Variants in ARHGAP6 observed in about 807,000 individuals in gnomAD.
ARHGAP6 encodes the protein Rho GTPase activating protein 6.
A neutral mutation model predicts 55.7 loss-of-function variants in ARHGAP6; 16 were observed. The ratio of observed to expected loss-of-function variants is 0.29; its 90% CI spans 0.19 to 0.44. The LOEUF (loss-of-function observed/expected upper bound fraction) is 0.44. Among genes scored for constraint, ARHGAP6 ranks in the 20% least tolerant of loss-of-function variants. The probability of loss-of-function intolerance (pLI) is 1.00; values close to 1 mark genes in which losing one functional copy is unlikely to be tolerated. For synonymous variants in ARHGAP6, 382 were observed against 360.9 expected (o/e 1.06, Z -0.66); for missense variants, 698 against 808.9 (o/e 0.86, Z 1.66).
chrX:11,542,753 C>T (rs1308585440), intron 1 of ARHGAP6, among the ~76,000 whole-genome samples: 1 of 111,288 alleles, frequency 9.0e-6, no homozygotes, highest in Admixed American at 9.6e-5. Flanking sequence ...TTATTTATTC[C>T]CCTTCCCTCT....
At chrX:11,650,935 C>A (rs2052577182) in intron 1 of ARHGAP6, among the ~76,000 whole-genome samples, 1 of 111,969 alleles carries the variant, frequency 8.9e-6, no homozygotes, top group Non-Finnish European at 1.9e-5. Context: ...CTGACAATAT[C>A]ATTTATTGAC....
At chrX:11,348,173 C>T (rs1345988652) in intron 1 of ARHGAP6, among the ~76,000 whole-genome samples, 2 of 111,967 alleles carry the variant, frequency 1.8e-5, no homozygotes, top group Non-Finnish European at 3.8e-5. Flanking sequence ...ATGATCTTTG[C>T]TTATATTTTC....
intron 6 of ARHGAP6, among the ~76,000 whole-genome samples, chrX:11,180,230 C>T (rs993643343): frequency 9.0e-6 from 1 of 111,502 alleles, no homozygotes; most frequent in Non-Finnish European, 1.9e-5. Context: ...AATAACTCCA[C>T]ACCCTACTTT....
chrX:11,374,182 T>A (rs952578233), intron 1 of ARHGAP6, among the ~76,000 whole-genome samples: 2 of 110,820 alleles, frequency 1.8e-5, no homozygotes, highest in Non-Finnish European at 3.8e-5. Flanking sequence ...TAATATGGAG[T>A]GGGCCCAAGA....
intron 1 of ARHGAP6, among the ~76,000 whole-genome samples, chrX:11,524,289 C>T (rs770380449): frequency 4.3e-4 from 48 of 111,318 alleles, no homozygotes; most frequent in African/African-American, 1.5e-3. Context: ...GTGTTATTGC[C>T]GGATTTTACC....
Position 11,333,265 on chromosome X carries a change from T to C in ARHGAP6, c.589-78558A>G, listed in dbSNP as rs1603088718. ...GTCATGGGAGGGACCCGGTGGGAGG[T>C]AACTGAGTCAATGGGATGGTTACCC... On this transcript the variant is annotated intron_variant, in intron 1 of 12. Coordinates refer to ENST00000337414, the MANE Select transcript of ARHGAP6 (RefSeq NM_013427.3). Among the ~76,000 whole-genome samples, 2 of 111,680 alleles carry C rather than the reference T, an allele frequency of 1.8e-5. 1 individual carries two copies.
chrX:11,199,003 T>G (rs1037046167), intron 2 of ARHGAP6, among the ~76,000 whole-genome samples: 3 of 112,416 alleles, frequency 2.7e-5, no homozygotes, highest in African/African-American at 9.7e-5. Context: ...ATTTTGTTTT[T>G]CCTGTTTTGG....
chrX:11,648,387 T>C (rs1349185217), intron 1 of ARHGAP6, among the ~76,000 whole-genome samples: 3 of 112,170 alleles, frequency 2.7e-5, no homozygotes, highest in Non-Finnish European at 5.6e-5. Flanking sequence ...TTCCCATGAA[T>C]GTAGAGGATA....
At chrX:11,353,489 T>C (rs2048886983) in intron 1 of ARHGAP6, among the ~76,000 whole-genome samples, 1 of 110,573 alleles carries the variant, frequency 9.0e-6, no homozygotes, top group Non-Finnish European at 1.9e-5. Context: ...TATTGAGCTA[T>C]TTGCTAGGGT....
chrX:11,198,520 T>C, intron 2 of ARHGAP6, among the ~76,000 whole-genome samples: 1 of 112,149 alleles, frequency 8.9e-6, no homozygotes, highest in Non-Finnish European at 1.9e-5. Flanking sequence ...ACTTTGTTCA[T>C]AGCTAGTTCA....
intron 1 of ARHGAP6, among the ~76,000 whole-genome samples, chrX:11,590,540 C>G (rs2147128912): frequency 9.3e-6 from 1 of 107,757 alleles, no homozygotes; most frequent in East Asian, 3.0e-4. Flanking sequence ...AATCCCAGCA[C>G]TTTGGAAGGC....
intron 1 of ARHGAP6, among the ~76,000 whole-genome samples, chrX:11,342,630 T>C (rs910482882): frequency 1.8e-5 from 2 of 112,292 alleles, no homozygotes; most frequent in African/African-American, 6.5e-5. Context: ...TCAGATGAAC[T>C]CCTGTAGAAA....
chrX:11,154,146 T>A (rs996374991), intron 10 of ARHGAP6, among the ~76,000 whole-genome samples: 3 of 104,201 alleles, frequency 2.9e-5, no homozygotes, highest in Admixed American at 1.0e-4. Flanking sequence ...ACATGAACTC[T>A]TCATTTTTTA....
intron 1 of ARHGAP6, among the ~76,000 whole-genome samples, chrX:11,554,462 C>T (rs1309537284): frequency 1.8e-5 from 2 of 112,026 alleles, no homozygotes; most frequent in Non-Finnish European, 3.8e-5. Context: ...ATTCCCAACA[C>T]ATAGAGATCA....
rs988867289 is a variant in ARHGAP6 at position 11,303,433 on chromosome X, G to C, written c.589-48726C>G. Among the ~76,000 whole-genome samples the C allele has an allele frequency of 2.7e-5, 3 of 111,986 alleles. No homozygotes were observed. The South Asian group carries it at 1.1e-3, about 42-fold the overall frequency. On this transcript the variant is annotated intron_variant, in intron 1 of 12. Transcript: ENST00000337414. ...TGGGAGTGGTGAGGATTTGAAGAGA[G>C]AAGAAAGGAGTGGTCATTTGGGTTC...
chrX:11,339,608 G>A (rs755414840), intron 1 of ARHGAP6, among the ~76,000 whole-genome samples: 10 of 110,493 alleles, frequency 9.1e-5, no homozygotes, highest in Non-Finnish European at 1.5e-4. Flanking sequence ...TTATATTAAC[G>A]TTAATATATC....
chrX:11,614,243 C>A (rs1601699778), intron 1 of ARHGAP6, among the ~76,000 whole-genome samples: 1 of 111,829 alleles, frequency 8.9e-6, no homozygotes, highest in African/African-American at 3.3e-5. Context: ...GGGATTGTTT[C>A]AGTGTAGCCC....
At chrX:11,472,434 AG>A (rs2050357084) in intron 1 of ARHGAP6, among the ~76,000 whole-genome samples, 1 of 111,930 alleles carries the variant, frequency 8.9e-6, no homozygotes, top group Non-Finnish European at 1.9e-5. Flanking sequence ...GGTTGTTTCA[AG>A]GGGAGAAGGC....
chrX:11,482,194 T>TC (rs1415544774), intron 1 of ARHGAP6, among the ~76,000 whole-genome samples: 5 of 111,608 alleles, frequency 4.5e-5, no homozygotes, highest in African/African-American at 1.6e-4. Context: ...CGCAGGATAG[T>TC]CCCCCACAGT....
Sources: gnomAD v4.1 joint callset for allele counts (sites outside exome capture counted in the v4.1 genomes callset) on GRCh38, gnomAD v4.1.1 for gene constraint, MANE v1.5 for transcripts, NCBI Gene and HGNC (gene_info 2026-07-23, HGNC 2026-07-21) for gene names.